FAM3D: variants seen among roughly 807,000 people sequenced by gnomAD.
FAM3D encodes the protein protein FAM3D.
A neutral mutation model predicts 29.8 loss-of-function variants in FAM3D; 26 were observed. The observed-to-expected ratio is 0.87, with a 90% CI of 0.64 to 1.21. The LOEUF (loss-of-function observed/expected upper bound fraction) is 1.21, where lower values mean the gene tolerates loss of function less well. Among genes scored for constraint, FAM3D ranks in the 50% most tolerant of loss-of-function variants. The pLI is 0.00. For missense variants in FAM3D, 253 were observed against 290.9 expected, an observed-to-expected ratio of 0.87 and a Z score of 0.95; for synonymous variants, 115 against 102.3, an observed-to-expected ratio of 1.12 and a Z score of -0.75.
intron 1 of FAM3D, among the ~76,000 whole-genome samples, chr3:58,658,653 A>G (rs1016944379): frequency 6.6e-6 from 1 of 152,180 alleles, no homozygotes; most frequent in African/African-American, 2.4e-5. Flanking sequence ...GAGCACATCC[A>G]TCATGGCACC....
intron 6 of FAM3D, among the ~76,000 whole-genome samples, chr3:58,642,101 G>T (rs2066350335): frequency 6.6e-6 from 1 of 152,154 alleles, no homozygotes; most frequent in Non-Finnish European, 1.5e-5. Context: ...CTGCAGGAGG[G>T]ATGCCACTTC....
chr3:58,636,282 C>T lies in FAM3D; in HGVS notation c.585+12G>A, dbSNP rs370410651. 5 of 1,612,756 alleles carry T rather than the reference C, an allele frequency of 3.1e-6. No individual in the cohort carries two copies. The African/African-American group carries it at 4.0e-5, about 13-fold the overall frequency. On this transcript the variant is annotated intron_variant, in intron 9 of 9. Transcript: ENST00000358781. The stretch of plus-strand genomic sequence containing the variant: ...CATCCTTCATAGGGCCGGGTTGTGG[C>T]CCAGAACCCACCTGCTCAAAGGGGC...
At chr3:58,645,480 A>ATAAAG (rs759273054) in intron 5 of FAM3D, 29 bp downstream of exon 5, 1 of 1,466,588 alleles carries the variant, frequency 6.8e-7, no homozygotes, top group Non-Finnish European at 9.1e-7. Context: ...ATAAAATAAA[A>ATAAAG]TAAACATAGT....
intron 3 of FAM3D, among the ~76,000 whole-genome samples, chr3:58,651,573 C>T (rs2066638255): frequency 6.6e-6 from 1 of 152,238 alleles, no homozygotes; most frequent in Non-Finnish European, 1.5e-5. Context: ...GGGCCAAACA[C>T]AGAGTTCAAA....
rs183019735 is a variant in FAM3D at position 58,663,316 on chromosome 3, C to T, written c.-39+3260G>A. 5.4e-3 allele frequency among the ~76,000 whole-genome samples: 827 copies of T among 152,316 alleles called. 11 individuals are homozygous for T. Among genetic ancestry groups the T allele is most frequent in the South Asian group, 0.038 (181 of 4,822 alleles). On this transcript the variant is annotated intron_variant, in intron 1 of 9. Transcript: ENST00000358781. ...ATGTATATCTTTGCCACCACATGAACACAGGCTGTCTGAGCATAGAACAAC... is the reference window on the plus strand; with the variant it reads ...ATGTATATCTTTGCCACCACATGAATACAGGCTGTCTGAGCATAGAACAAC...
chr3:58,648,302 C>T (rs922172732), intron 4 of FAM3D, among the ~76,000 whole-genome samples: 2 of 152,152 alleles, frequency 1.3e-5, no homozygotes, highest in Non-Finnish European at 2.9e-5. Flanking sequence ...ACTGGGGCAC[C>T]CATGTCCTTC....
intron 2 of FAM3D, among the ~76,000 whole-genome samples, chr3:58,655,200 T>G (rs889354075): frequency 5.9e-5 from 9 of 152,168 alleles, no homozygotes; most frequent in Admixed American, 5.9e-4. Context: ...TATGAGGGTG[T>G]GGACTAGAAG....
chr3:58,656,077 T>C (rs2066788839), intron 1 of FAM3D, among the ~76,000 whole-genome samples: 2 of 152,158 alleles, frequency 1.3e-5, no homozygotes, highest in South Asian at 4.1e-4. Flanking sequence ...TTAGCCCTCC[T>C]TCCCTTCCTT....
chr3:58,639,401 C>T (rs994930954), intron 7 of FAM3D, among the ~76,000 whole-genome samples: 3 of 152,184 alleles, frequency 2.0e-5, no homozygotes, highest in South Asian at 2.1e-4. Context: ...CAGGTCATGC[C>T]GCCAGTAGTC....
At chr3:58,663,945 T>A (rs2066980984) in intron 1 of FAM3D, among the ~76,000 whole-genome samples, 1 of 152,228 alleles carries the variant, frequency 6.6e-6, no homozygotes, top group Non-Finnish European at 1.5e-5. Flanking sequence ...CTTTGTGGAA[T>A]GTGGCCTCCT....
chr3:58,642,118 G>A (rs2066350747), intron 6 of FAM3D, among the ~76,000 whole-genome samples: 1 of 152,176 alleles, frequency 6.6e-6, no homozygotes, highest in African/African-American at 2.4e-5. Context: ...CTTCATTGAG[G>A]CTGGAGTGGA....
intron 1 of FAM3D, among the ~76,000 whole-genome samples, chr3:58,659,218 T>C (rs891308573): frequency 1.3e-5 from 2 of 152,198 alleles, no homozygotes; most frequent in African/African-American, 4.8e-5. Context: ...ACAGGCCCCC[T>C]TCACTCTGCT....
chr3:58,635,162 G>A lies in FAM3D; in HGVS notation c.586-794C>T, dbSNP rs147325957. On this transcript the variant is annotated intron_variant, in intron 9 of 9. Coordinates refer to ENST00000358781, the MANE Select transcript of FAM3D (RefSeq NM_138805.3). The surrounding 1 kb of genome is among the most constrained non-coding windows in gnomAD (Gnocchi z 5.2). Reference sequence around the variant, plus strand: ...TGCACTCCAGCCTAGGTGACAGAGCGAGACCCTATCTCTAAAATATATATA... The same window carrying A: ...TGCACTCCAGCCTAGGTGACAGAGCAAGACCCTATCTCTAAAATATATATA... Among the ~76,000 whole-genome samples the A allele has an allele frequency of 3.6e-3, 545 of 152,256 alleles. 2 individuals are homozygous for A. Among genetic ancestry groups the A allele is most frequent in the African/African-American group, 0.012 (515 of 41,534 alleles).
chr3:58,651,706 G>A (rs1237420409), intron 3 of FAM3D, among the ~76,000 whole-genome samples: 1 of 151,862 alleles, frequency 6.6e-6, no homozygotes, highest in African/African-American at 2.4e-5. Context: ...TCCCACCTCG[G>A]ACTGGGGCAC....
At chr3:58,644,671 A>G (rs2066427320) in intron 5 of FAM3D, among the ~76,000 whole-genome samples, 1 of 152,204 alleles carries the variant, frequency 6.6e-6, no homozygotes, top group Non-Finnish European at 1.5e-5. Flanking sequence ...GATAATTTAG[A>G]CAGGAAGGCT....
intron 1 of FAM3D, among the ~76,000 whole-genome samples, chr3:58,662,957 G>A (rs891922294): frequency 1.3e-5 from 2 of 152,238 alleles, no homozygotes; most frequent in African/African-American, 4.8e-5. Flanking sequence ...CTGGAGTGCA[G>A]TGGCGATCTC....
chr3:58,654,856 T>C (rs1446559100), intron 2 of FAM3D, among the ~76,000 whole-genome samples: 6 of 152,232 alleles, frequency 3.9e-5, no homozygotes, highest in African/African-American at 9.6e-5. Flanking sequence ...AGAATTCCTC[T>C]TGGGTATCAG....
At chr3:58,666,409 C>T (rs536589285) in intron 1 of FAM3D, among the ~76,000 whole-genome samples, 167 bp downstream of exon 1, 97 of 152,288 alleles carry the variant, frequency 6.4e-4, no homozygotes, top group Non-Finnish European at 9.3e-4. Context: ...CTTCCTGAGT[C>T]TGATCTCAGG....
At chr3:58,662,972 C>G (rs2066960722) in intron 1 of FAM3D, among the ~76,000 whole-genome samples, 2 of 152,242 alleles carry the variant, frequency 1.3e-5, no homozygotes, top group Middle Eastern at 3.2e-3. Context: ...GATCTCAGCT[C>G]ACTGCAACCT....
Sources: allele counts gnomAD v4.1 joint callset (sites outside exome capture counted in the v4.1 genomes callset), GRCh38; gene constraint gnomAD v4.1.1; non-coding constraint Gnocchi (gnomAD v3.1); transcripts MANE v1.5; gene names NCBI Gene and HGNC (gene_info 2026-07-23, HGNC 2026-07-21).